The following SATB1 variants were observed in gnomAD, a reference collection of about 807,000 sequenced individuals.
SATB1 encodes SATB homeobox 1.
SATB1 carries 11 observed loss-of-function variants against 86.9 expected under a neutral mutation model. That is an observed-to-expected ratio of 0.13 (90% CI 0.08 to 0.21). SATB1 has a LOEUF of 0.21. Ranked by LOEUF, SATB1 falls within the 10% of genes least tolerant of loss-of-function variation. The pLI is 1.00. For missense variants in SATB1, 551 were observed against 937.6 expected (o/e 0.59, Z 5.39); for synonymous variants, 357 against 357.2 (o/e 1.00, Z 0.01).
At chr3:18,382,846 T>C (rs990083220) in intron 8 of SATB1, among the ~76,000 whole-genome samples, 6 of 152,186 alleles carry the variant, frequency 3.9e-5, no homozygotes, top group African/African-American at 1.4e-4. Context: ...TAAAATAAGT[T>C]TGCTTTTATT....
upstream of SATB1, among the ~76,000 whole-genome samples, chr3:18,442,883 C>G (rs563581825): frequency 4.6e-5 from 7 of 152,148 alleles, no homozygotes; most frequent in African/African-American, 1.4e-4. Flanking sequence ...CAGACTGGAG[C>G]AGCCAGTATA....
intron 7 of SATB1, among the ~76,000 whole-genome samples, chr3:18,388,099 G>A (rs1326076341): frequency 3.9e-5 from 6 of 152,208 alleles, no homozygotes; most frequent in East Asian, 3.9e-4. Context: ...CTGAACTTTC[G>A]TTTTTACCCT....
At chr3:18,405,377 T>G (rs940608905) in intron 5 of SATB1, among the ~76,000 whole-genome samples, 7 of 151,936 alleles carry the variant, frequency 4.6e-5, no homozygotes, top group Non-Finnish European at 1.0e-4. Flanking sequence ...AAATTCGTGT[T>G]AAGTTCCAGA....
intron 5 of SATB1, among the ~76,000 whole-genome samples, chr3:18,399,872 T>G (rs1697160725): frequency 6.6e-6 from 1 of 152,110 alleles, no homozygotes; most frequent in Non-Finnish European, 1.5e-5. Flanking sequence ...CAATAATCTG[T>G]CCAATTAGAT....
Position 18,444,739 on chromosome 3 carries a change from G to T in SATB1, c.-25+779C>A, listed in dbSNP as rs1223225002. 1 of 767,888 alleles carries T rather than the reference G, an allele frequency of 1.3e-6. No homozygotes were observed. Among genetic ancestry groups the T allele is most frequent in the East Asian group, 1.3e-4 (1 of 7,660 alleles). 47.6% of individuals were successfully genotyped at this position (767,888 alleles called of 1,614,324 possible). Reference sequence around the variant, plus strand: ...TGCCTCTCCTGCCGCCGCCGCCGCCGCCGGAGCTGCGGCTGCCGCGGAAGT... The same window carrying T: ...TGCCTCTCCTGCCGCCGCCGCCGCCTCCGGAGCTGCGGCTGCCGCGGAAGT... On this transcript the variant is annotated intron_variant, in intron 1 of 3. Transcript: ENST00000415069. This position sits in a 1 kb window ranked among gnomAD's most constrained non-coding sequence, Gnocchi z 5.1.
At chr3:18,400,309 G>A (rs1697192110) in intron 5 of SATB1, among the ~76,000 whole-genome samples, 1 of 152,076 alleles carries the variant, frequency 6.6e-6, no homozygotes, top group Non-Finnish European at 1.5e-5. Flanking sequence ...CTAGCTCAAT[G>A]CCTGGCATGC....
At chr3:18,391,980 AC>A (rs1397571025) in intron 7 of SATB1, among the ~76,000 whole-genome samples, 10 of 152,228 alleles carry the variant, frequency 6.6e-5, no homozygotes, top group Admixed American at 6.5e-5. Flanking sequence ...AAATATATAT[AC>A]AAATTTCCTC....
At chr3:18,383,724 C>T (rs1457700258) in intron 8 of SATB1, among the ~76,000 whole-genome samples, 2 of 152,100 alleles carry the variant, frequency 1.3e-5, no homozygotes, top group Non-Finnish European at 2.9e-5. Flanking sequence ...GTTTAAGCAT[C>T]ATTTCATTAT....
chr3:18,377,591 A>C (rs1695825343), intron 9 of SATB1, among the ~76,000 whole-genome samples: 3 of 152,144 alleles, frequency 2.0e-5, no homozygotes, highest in Admixed American at 2.0e-4. Context: ...ACAAGTTGTA[A>C]TCAATCTGTG....
intron 8 of SATB1, among the ~76,000 whole-genome samples, chr3:18,383,714 G>A (rs931762632): frequency 3.3e-5 from 5 of 152,182 alleles, no homozygotes; most frequent in Admixed American, 2.6e-4. Flanking sequence ...ACTGGTTCCA[G>A]TTTAAGCATC....
intron 8 of SATB1, among the ~76,000 whole-genome samples, chr3:18,380,222 G>A (rs1388607267): frequency 6.6e-6 from 1 of 152,052 alleles, no homozygotes; most frequent in East Asian, 1.9e-4. Flanking sequence ...ATGGAAATGG[G>A]GGCACCAAGT....
chr3:18,364,359 A>G lies in SATB1; in HGVS notation c.1576-12164T>C, dbSNP rs538863015. Among the ~76,000 whole-genome samples, 9 of 152,312 alleles carry G rather than the reference A, an allele frequency of 5.9e-5. No individual in the cohort carries two copies. The East Asian group carries it at 1.2e-3, about 20-fold the overall frequency. ...TTCTTTATTAACACACTAAATAACA[A>G]GGTTTAGCAACAGATCTAATAACTA... is the stretch of plus-strand genomic sequence containing the variant. On this transcript the variant is annotated intron_variant, in intron 9 of 10. Transcript: ENST00000338745.
chr3:18,410,837 A>G (rs1697799164), intron 5 of SATB1: 1 of 362,430 alleles, frequency 2.8e-6, no homozygotes, highest in Non-Finnish European at 4.9e-6. Flanking sequence ...ACACATTTGT[A>G]TAACATGATA....
upstream of SATB1, among the ~76,000 whole-genome samples, chr3:18,440,897 C>T (rs1397709356): frequency 1.3e-5 from 2 of 152,136 alleles, no homozygotes; most frequent in Non-Finnish European, 2.9e-5. Context: ...GCACAAACCA[C>T]ACAAAACTGA....
Position 18,348,971 on chromosome 3 carries a change from G to C in SATB1, c.*199C>G, listed in dbSNP as rs1267060665. 1.2e-6 allele frequency: 1 copy of C among 866,084 alleles called. No individual in the cohort carries two copies. Among genetic ancestry groups the C allele is most frequent in the African/African-American group, 1.7e-5 (1 of 58,664 alleles). The allele number at this position is 866,084 out of a possible 1,614,324, so 53.6% of individuals were successfully genotyped here. On this transcript the variant is annotated 3_prime_UTR_variant, in exon 11 of 11. Transcript: ENST00000338745. ...AATCCTTGATGCTTCACCTGGGGCT[G>C]CCAAGCAGTTTGTAAAACAGAGGAA...
At chr3:18,421,057 A>G in intron 1 of SATB1, 66 bp from the exon 2 acceptor site, 1 of 1,100,010 alleles carries the variant, frequency 9.1e-7, no homozygotes, top group Admixed American at 1.9e-5. Context: ...TATGTGTCCT[A>G]TGTAAATGTT....
intron 5 of SATB1, among the ~76,000 whole-genome samples, chr3:18,414,765 T>C (rs1698031930): frequency 6.6e-6 from 1 of 151,940 alleles, no homozygotes; most frequent in African/African-American, 2.4e-5. Flanking sequence ...TTCGTGGGAG[T>C]AGTACCACCT....
At chr3:18,405,461 C>G (rs1453506348) in intron 5 of SATB1, among the ~76,000 whole-genome samples, 1 of 151,984 alleles carries the variant, frequency 6.6e-6, no homozygotes, top group Non-Finnish European at 1.5e-5. Flanking sequence ...AAAACAAGAA[C>G]TAAAGTACTT....
At chr3:18,390,256 T>A (rs1696584336) in intron 7 of SATB1, among the ~76,000 whole-genome samples, 1 of 152,156 alleles carries the variant, frequency 6.6e-6, no homozygotes, top group South Asian at 2.1e-4. Context: ...TTTTATCAGC[T>A]TCATGGAACT....
Sources: gnomAD v4.1 joint callset for allele counts (sites outside exome capture counted in the v4.1 genomes callset) on GRCh38, gnomAD v4.1.1 for gene constraint, Gnocchi (gnomAD v3.1) non-coding constraint, MANE v1.5 for transcripts, NCBI Gene and HGNC (gene_info 2026-07-23, HGNC 2026-07-21) for gene names.